KLHL1: variants seen among roughly 807,000 people sequenced by gnomAD.
KLHL1 encodes the protein kelch-like protein 1.
Under a neutral mutation model 77.7 loss-of-function variants are expected in KLHL1, and 47 were observed. The observed-to-expected ratio is 0.60, with a 90% CI of 0.48 to 0.77. The LOEUF (loss-of-function observed/expected upper bound fraction) is 0.77, where lower values mean the gene tolerates loss of function less well. Among genes scored for constraint, KLHL1 ranks in the 30% least tolerant of loss-of-function variants. The probability of loss-of-function intolerance (pLI) is 0.00; values close to 1 mark genes in which losing one functional copy is unlikely to be tolerated. For missense variants in KLHL1, 925 were observed against 910.8 expected (o/e 1.02, Z -0.20); for synonymous variants, 360 against 325.2 (o/e 1.11, Z -1.15).
intron 3 of KLHL1, among the ~76,000 whole-genome samples, chr13:69,956,641 T>G (rs929669740): frequency 1.3e-5 from 2 of 151,482 alleles, no homozygotes; most frequent in Non-Finnish European, 3.0e-5. Flanking sequence ...GTTCTGATGT[T>G]CCTATTCCAG....
intron 1 of KLHL1, among the ~76,000 whole-genome samples, chr13:69,988,666 A>T (rs1884941517): frequency 6.6e-6 from 1 of 152,102 alleles, no homozygotes; most frequent in Non-Finnish European, 1.5e-5. Context: ...GACTGGTGTG[A>T]GATAATATCT....
chr13:70,010,911 T>TAATAAAATAA (rs67519504), intron 1 of KLHL1, among the ~76,000 whole-genome samples: 30,420 of 147,508 alleles, frequency 0.21, 3,884 homozygotes, highest in African/African-American at 0.36. Flanking sequence ...ATAATAATAA[T>TAATAAAATAA]AATAAAATAA....
chr13:69,953,238 T>C (rs2137257644), intron 3 of KLHL1, among the ~76,000 whole-genome samples: 1 of 151,378 alleles, frequency 6.6e-6, no homozygotes, highest in Admixed American at 6.6e-5. Context: ...CAATGACAAT[T>C]CTCCATTTGG....
chr13:70,000,036 G>A (rs746756423), intron 1 of KLHL1, among the ~76,000 whole-genome samples: 10 of 151,960 alleles, frequency 6.6e-5, no homozygotes, highest in Non-Finnish European at 1.3e-4. Flanking sequence ...AATAATGTGT[G>A]AGTTCTGGGT....
intron 1 of KLHL1, among the ~76,000 whole-genome samples, chr13:70,025,691 T>A (rs1425143416): frequency 6.6e-6 from 1 of 150,774 alleles, no homozygotes; most frequent in African/African-American, 2.4e-5. Context: ...ACTATATATA[T>A]TATATATAGT....
intron 1 of KLHL1, among the ~76,000 whole-genome samples, chr13:70,064,778 G>A (rs956303186): frequency 1.3e-5 from 2 of 152,120 alleles, no homozygotes; most frequent in African/African-American, 4.8e-5. Flanking sequence ...CACGACTAAG[G>A]ACTAAAGCAG....
chr13:70,063,050 A>C (rs1886927976), intron 1 of KLHL1, among the ~76,000 whole-genome samples: 1 of 152,096 alleles, frequency 6.6e-6, no homozygotes, highest in Admixed American at 6.5e-5. Context: ...GGACGGTTAA[A>C]TTTGGCCACA....
At chr13:69,702,415 T>C (rs2137864390) in intron 10 of KLHL1, among the ~76,000 whole-genome samples, 1 of 151,888 alleles carries the variant, frequency 6.6e-6, no homozygotes, top group Admixed American at 6.6e-5. Context: ...AAATTTATTC[T>C]TTGGAGACAA....
At position 69,882,158 on chromosome 13, in the gene KLHL1, A is replaced by G. The variant is rs1881024225; in HGVS notation, c.1227+125T>C. On this transcript the variant is annotated intron_variant, in intron 5 of 10. Coordinates refer to ENST00000377844, the MANE Select transcript of KLHL1 (RefSeq NM_020866.3). ...TTTTCCACCATCAAATTTAACTTAA[A>G]AGTAGTATTTGATAAAAGCATTTAA... 3 of 682,430 alleles carry G rather than the reference A, an allele frequency of 4.4e-6. No individual in the cohort carries two copies. In the East Asian group the frequency reaches 7.9e-5, roughly 18 times the overall value. 42.3% of individuals were successfully genotyped at this position (682,430 alleles called of 1,614,324 possible).
chr13:69,967,403 C>T (rs1014609651), intron 2 of KLHL1, among the ~76,000 whole-genome samples: 3 of 152,100 alleles, frequency 2.0e-5, no homozygotes, highest in Non-Finnish European at 4.4e-5. Flanking sequence ...TAGAAGTAAC[C>T]TCTAACCAAA....
intron 7 of KLHL1, among the ~76,000 whole-genome samples, chr13:69,775,478 T>C (rs1363334698): frequency 6.6e-6 from 1 of 152,194 alleles, no homozygotes; most frequent in Admixed American, 6.5e-5. Flanking sequence ...TATTTGATTT[T>C]CTATATATGA....
At chr13:70,107,096 C>T in intron 1 of KLHL1, 107 bp downstream of exon 1, 1 of 1,491,220 alleles carries the variant, frequency 6.7e-7, no homozygotes, top group Non-Finnish European at 8.9e-7. Context: ...TCTCTTAACC[C>T]ACATTTTCAA....
intron 7 of KLHL1, among the ~76,000 whole-genome samples, chr13:69,751,827 T>C (rs1174282832): frequency 6.6e-6 from 1 of 152,008 alleles, no homozygotes; most frequent in East Asian, 1.9e-4. Context: ...ATAATGTACG[T>C]GAGAGGTGAT....
chr13:70,071,029 C>T (rs1887126286), intron 1 of KLHL1, among the ~76,000 whole-genome samples: 1 of 151,808 alleles, frequency 6.6e-6, no homozygotes, highest in Non-Finnish European at 1.5e-5. Flanking sequence ...ATGTAGAATA[C>T]AGTTACAAAC....
chr13:69,709,638 T>TG (rs5804443), intron 9 of KLHL1, among the ~76,000 whole-genome samples: 54,560 of 146,184 alleles, frequency 0.37, 9,966 homozygotes, highest in African/African-American at 0.4. Context: ...ATAATAACAT[T>TG]GAGTTACATT....
intron 1 of KLHL1, among the ~76,000 whole-genome samples, chr13:70,058,298 T>G (rs1304993986): frequency 6.6e-6 from 1 of 152,192 alleles, no homozygotes; most frequent in Non-Finnish European, 1.5e-5. Context: ...TATCCTTGTT[T>G]GCAGATAATA....
chr13:70,053,661 T>C (rs1886680076), intron 1 of KLHL1, among the ~76,000 whole-genome samples: 1 of 152,124 alleles, frequency 6.6e-6, no homozygotes, highest in African/African-American at 2.4e-5. Flanking sequence ...TAAATTATCT[T>C]CCAAGGTTTT....
At chr13:69,821,137 A>G (rs1197252675) in intron 6 of KLHL1, among the ~76,000 whole-genome samples, 16 of 152,182 alleles carry the variant, frequency 1.1e-4, no homozygotes, top group Admixed American at 1.0e-3. Flanking sequence ...AATCATTATA[A>G]TGTACGAACT....
chr13:69,780,794 A>C (rs1446801307), intron 7 of KLHL1, among the ~76,000 whole-genome samples: 1 of 146,410 alleles, frequency 6.8e-6, no homozygotes, highest in Non-Finnish European at 1.5e-5. Context: ...TATTTAAGAA[A>C]TATTACTTCA....
Sources: gnomAD v4.1 joint callset for allele counts (sites outside exome capture counted in the v4.1 genomes callset) on GRCh38, gnomAD v4.1.1 for gene constraint, MANE v1.5 for transcripts, NCBI Gene and HGNC (gene_info 2026-07-23, HGNC 2026-07-21) for gene names.